INSC: variants seen among roughly 807,000 people sequenced by gnomAD.
INSC encodes protein inscuteable homolog.
A neutral mutation model predicts 58.6 loss-of-function variants in INSC; 67 were observed. The observed-to-expected ratio is 1.14, with a 90% CI of 0.94 to 1.40. INSC has a LOEUF of 1.40. Among genes scored for constraint, INSC ranks in the 40% most tolerant of loss-of-function variants. INSC has a pLI of 0.00. For missense variants in INSC, 714 were observed against 692.0 expected, an observed-to-expected ratio of 1.03 and a Z score of -0.36; for synonymous variants, 262 against 276.1, an observed-to-expected ratio of 0.95 and a Z score of 0.51.
chr11:15,171,991 ATCACC>A (rs1190279603), intron 2 of INSC, among the ~76,000 whole-genome samples: 1 of 152,208 alleles, frequency 6.6e-6, no homozygotes, highest in Non-Finnish European at 1.5e-5. Flanking sequence ...TGGCCAGGGG[ATCACC>A]CCTGTGTTTG....
intron 1 of INSC, among the ~76,000 whole-genome samples, chr11:15,115,719 G>A (rs758137839): frequency 6.6e-6 from 1 of 152,126 alleles, no homozygotes; most frequent in Non-Finnish European, 1.5e-5. Flanking sequence ...GTGCACCCAC[G>A]CTTACATGCT....
intron 2 of INSC, among the ~76,000 whole-genome samples, chr11:15,151,252 G>A (rs561096284): frequency 3.3e-5 from 5 of 152,142 alleles, no homozygotes; most frequent in African/African-American, 1.2e-4. Context: ...AACTGCTTGC[G>A]TGAGGGATTT....
rs115897534 is a variant in INSC, at chr11:15,115,874, C to T, written c.-46+871C>T. ...GCACCCACTTTGTTCAATGCATATG[C>T]GCAAATGTATCCCTGGTGTGGCCCC... is the stretch of plus-strand genomic sequence containing the variant. On this transcript the variant is annotated intron_variant, in intron 1 of 12. Coordinates refer to ENST00000379556, the MANE Select transcript of INSC (RefSeq NM_001042536.3). 8.8e-3 allele frequency among the ~76,000 whole-genome samples: 1,335 copies of T among 152,332 alleles called. 17 individuals carry two copies. The highest frequency in any genetic ancestry group is 0.03 in the African/African-American group (1,261 of 41,560).
chr11:15,123,722 G>A lies in INSC; in HGVS notation c.-46+8719G>A, dbSNP rs1363682256. Among the ~76,000 whole-genome samples, 3 of 152,216 alleles carry A rather than the reference G, an allele frequency of 2.0e-5. No homozygotes were observed. The East Asian group carries it at 5.8e-4, about 29-fold the overall frequency. On this transcript the variant is annotated intron_variant, in intron 1 of 12. Transcript: ENST00000379556. ...AAGTCACAAGTGGCATCCCTGAGCT[G>A]TGGCTTCTCTATCTATCCTTATCTC...
chr11:15,264,824 T>A, the INSC span, among the ~76,000 whole-genome samples: 7 of 152,098 alleles, frequency 4.6e-5, no homozygotes, highest in African/African-American at 7.2e-5. Context: ...TAATGTAACC[T>A]ATTGATAGGT....
chr11:15,151,175 C>T (rs1376794040), intron 2 of INSC, among the ~76,000 whole-genome samples: 2 of 152,174 alleles, frequency 1.3e-5, no homozygotes, highest in African/African-American at 4.8e-5. Context: ...GCATTACTGC[C>T]TGAGCTCCGT....
At chr11:15,264,571 T>C in the INSC span, among the ~76,000 whole-genome samples, 4 of 150,282 alleles carry the variant, frequency 2.7e-5, no homozygotes, top group African/African-American at 9.8e-5. Context: ...GAGCCAGCAA[T>C]AGAACCTCAA....
At chr11:15,121,360 G>A (rs1191292115) in intron 1 of INSC, among the ~76,000 whole-genome samples, 3 of 152,134 alleles carry the variant, frequency 2.0e-5, no homozygotes, top group African/African-American at 7.2e-5. Flanking sequence ...CAGTTATTAT[G>A]TGGAATATCT....
intron 2 of INSC, among the ~76,000 whole-genome samples, chr11:15,149,451 T>G (rs894487057): frequency 3.9e-5 from 6 of 152,200 alleles, no homozygotes; most frequent in African/African-American, 1.4e-4. Context: ...CAGTCCCTAA[T>G]GAGCTGAAGT....
At chr11:15,223,819 C>G (rs1851534078) in intron 8 of INSC, among the ~76,000 whole-genome samples, 2 of 152,206 alleles carry the variant, frequency 1.3e-5, no homozygotes, top group African/African-American at 4.8e-5. Flanking sequence ...CTTGGCTAAT[C>G]TGTTTTTCCA....
chr11:15,134,827 C>CTTTATTTATTTATTTA (rs112337509), intron 1 of INSC, among the ~76,000 whole-genome samples: 4,850 of 150,888 alleles, frequency 0.032, 198 homozygotes, highest in African/African-American at 0.09. Context: ...CATCTTCCTC[C>CTTTATTTATTTATTTA]TTTATTTATT....
At chr11:15,132,726 T>C (rs548714486) in intron 1 of INSC, among the ~76,000 whole-genome samples, 1 of 152,348 alleles carries the variant, frequency 6.6e-6, no homozygotes, top group South Asian at 2.1e-4. Context: ...CAGAATTTCC[T>C]TTAGTGTGGG....
intron 1 of INSC, among the ~76,000 whole-genome samples, chr11:15,144,485 T>C (rs1848445463): frequency 6.6e-6 from 1 of 152,182 alleles, no homozygotes; most frequent in Non-Finnish European, 1.5e-5. Context: ...GAAAGAGCCA[T>C]ATCTGTCTGG....
intron 12 of INSC, 68 bp from the exon 13 acceptor site, chr11:15,245,844 G>T: frequency 6.4e-7 from 1 of 1,554,086 alleles, no homozygotes; most frequent in Non-Finnish European, 8.8e-7. Context: ...TTCAGGGTAG[G>T]TGAAGGAAAT....
downstream of INSC, among the ~76,000 whole-genome samples, chr11:15,252,136 A>T (rs1195502036): frequency 2.0e-5 from 3 of 152,210 alleles, no homozygotes; most frequent in African/African-American, 4.8e-5. Flanking sequence ...AAAAGGCAAC[A>T]TATTGTATTG....
intron 5 of INSC, among the ~76,000 whole-genome samples, chr11:15,190,450 A>T (rs1215568561): frequency 2.6e-5 from 4 of 152,244 alleles, no homozygotes; most frequent in African/African-American, 9.6e-5. Flanking sequence ...GGACTAGGGC[A>T]AGGCTAGTTA....
the INSC span, among the ~76,000 whole-genome samples, chr11:15,259,898 C>T: frequency 3.9e-5 from 6 of 152,170 alleles, no homozygotes; most frequent in South Asian, 1.2e-3. Flanking sequence ...ATTTTCTTTG[C>T]GTCCCTAAAC....
chr11:15,114,852 C>A (rs923391520), upstream of INSC: 2 of 690,254 alleles, frequency 2.9e-6, no homozygotes, highest in Non-Finnish European at 3.2e-6. Context: ...AGAGGGCGGG[C>A]GGGGGAGAAC....
intron 2 of INSC, among the ~76,000 whole-genome samples, chr11:15,174,196 C>T (rs115722907): frequency 6.6e-6 from 1 of 152,286 alleles, no homozygotes; most frequent in African/African-American, 2.4e-5. Flanking sequence ...TTGCTGATCT[C>T]TCTCCTTGGA....
Sources: gnomAD v4.1 joint callset for allele counts (sites outside exome capture counted in the v4.1 genomes callset) on GRCh38, gnomAD v4.1.1 for gene constraint, MANE v1.5 for transcripts, NCBI Gene and HGNC (gene_info 2026-07-23, HGNC 2026-07-21) for gene names.